Variants in PHIP observed in about 807,000 individuals in gnomAD.
The protein encoded by PHIP is PHIP subunit of CUL4-Ring ligase complex, also known as PH-interacting protein.
A neutral mutation model predicts 236.8 loss-of-function variants in PHIP; 54 were observed. The observed-to-expected ratio is 0.23, with a 90% CI of 0.18 to 0.29. The LOEUF (loss-of-function observed/expected upper bound fraction) is 0.29. Ranked by LOEUF, PHIP falls within the 10% of genes least tolerant of loss-of-function variation. The pLI is 1.00. For missense variants in PHIP, 1,370 were observed against 2,190.8 expected (o/e 0.63, Z 7.48); for synonymous variants, 756 against 718.9 (o/e 1.05, Z -0.83).
chr6:78,988,941 G>A (rs1769041520), intron 20 of PHIP, among the ~76,000 whole-genome samples: 1 of 152,142 alleles, frequency 6.6e-6, no homozygotes, highest in East Asian at 1.9e-4. Flanking sequence ...AAGATAAGAT[G>A]CCATGTGGCT....
At chr6:79,027,077 G>A (rs1325808382) in intron 7 of PHIP, among the ~76,000 whole-genome samples, 1 of 151,984 alleles carries the variant, frequency 6.6e-6, no homozygotes, top group Non-Finnish European at 1.5e-5. Flanking sequence ...AATTCTTAAA[G>A]AAACACCTTC....
rs773413317 is a variant in PHIP at position 79,025,927 on chromosome 6, G to A, written c.822+16C>T. 9 of 1,494,108 alleles carry A rather than the reference G, an allele frequency of 6.0e-6. No individual in the cohort carries two copies. Among genetic ancestry groups the A allele is most frequent in the Non-Finnish European group, 7.4e-6 (8 of 1,076,024 alleles). The allele number at this position is 1,494,108 out of a possible 1,614,324, so 92.6% of individuals were successfully genotyped here. A position where few individuals can be genotyped will look rare whatever the true frequency, so the allele number is the denominator to read the frequency against. The stretch of plus-strand genomic sequence containing the variant: ...CAACAACAACAACAACAATGTATAG[G>A]GATTAAGACAATTACCTGTAGTGAT... On this transcript the variant is annotated intron_variant, in intron 8 of 39. Coordinates refer to ENST00000275034, the MANE Select transcript of PHIP (RefSeq NM_017934.7).
intron 6 of PHIP, among the ~76,000 whole-genome samples, chr6:79,056,660 G>A (rs1465339997): frequency 1.3e-5 from 2 of 152,072 alleles, no homozygotes; most frequent in East Asian, 3.9e-4. Context: ...CAATGCACAG[G>A]AAAGCTGCCT....
At position 79,069,176 on chromosome 6, in the gene PHIP, T is replaced by C. The variant is rs1041189720; in HGVS notation, c.189+8272A>G. On this transcript the variant is annotated intron_variant, in intron 4 of 39. Transcript: ENST00000275034. ...TATATTGTATATACATTAATTATAT[T>C]TTATTATTTATAATATATAATATAC... Among the ~76,000 whole-genome samples, 12 of 148,080 alleles carry C rather than the reference T, an allele frequency of 8.1e-5. No homozygotes were observed. The Admixed American group carries it at 8.1e-4, about 10-fold the overall frequency.
intron 35 of PHIP, among the ~76,000 whole-genome samples, chr6:78,949,067 T>C (rs1312955018): frequency 1.3e-5 from 2 of 152,176 alleles, no homozygotes; most frequent in Non-Finnish European, 2.9e-5. Context: ...CATTCCTAAT[T>C]CTTAGGGGGA....
rs36155238 is a variant in PHIP, at chr6:78,940,548, GTTTTTTT to G, written c.*138_*144del. On this transcript the variant is annotated 3_prime_UTR_variant, in exon 40 of 40. Coordinates refer to ENST00000275034, the MANE Select transcript of PHIP (RefSeq NM_017934.7). ...AAGAAGTGAAGTGTCTCGTAAGTTT[GTTTTTTT>G]TTTTTTTTTTTTTTTTGCAAATCAA... is the stretch of plus-strand genomic sequence containing the variant. 16 of 82,716 alleles carry G rather than the reference GTTTTTTT, an allele frequency of 1.9e-4. No homozygotes were observed. The highest frequency in any genetic ancestry group is 3.1e-4 in the Non-Finnish European group (15 of 47,992). The allele number at this position is 82,716 out of a possible 1,614,324, so 5.1% of individuals were successfully genotyped here.
intron 24 of PHIP, among the ~76,000 whole-genome samples, chr6:78,971,778 G>A (rs1218254775): frequency 6.6e-6 from 1 of 152,158 alleles, no homozygotes; most frequent in Non-Finnish European, 1.5e-5. Context: ...GACGGCACCT[G>A]GAAAATCGGG....
chr6:79,015,010 G>T, intron 15 of PHIP, 72 bp downstream of exon 15: 2 of 1,231,114 alleles, frequency 1.6e-6, no homozygotes, highest in South Asian at 1.4e-5. Flanking sequence ...TTTCCTTTGT[G>T]ACATGCAGAG....
intron 28 of PHIP, 72 bp downstream of exon 28, chr6:78,965,873 A>C (rs756543726): frequency 2.0e-5 from 25 of 1,225,796 alleles, no homozygotes; most frequent in Admixed American, 1.1e-4. Flanking sequence ...AAGTCTCTTT[A>C]TCTCTTAATA....
intron 19 of PHIP, among the ~76,000 whole-genome samples, chr6:78,992,152 C>T (rs995918358): frequency 5.9e-5 from 9 of 151,794 alleles, no homozygotes; most frequent in Non-Finnish European, 8.8e-5. Flanking sequence ...TTAGTAGAGA[C>T]GGGGGTCCAC....
chr6:78,975,620 A>T lies in PHIP; in HGVS notation c.2889+2972T>A, dbSNP rs1218470809. On this transcript the variant is annotated intron_variant, in intron 24 of 39. Coordinates refer to ENST00000275034, the MANE Select transcript of PHIP (RefSeq NM_017934.7). ...CAGATGACATGATTGTGTATCTAGA[A>T]AACCCCACTGTCTCAGCCCAAAATC... is the stretch of plus-strand genomic sequence containing the variant. Among the ~76,000 whole-genome samples, 6 of 152,300 alleles carry T rather than the reference A, an allele frequency of 3.9e-5. No individual in the cohort carries two copies. In the South Asian group the frequency reaches 6.2e-4, roughly 16 times the overall value.
chr6:79,072,110 C>G (rs902368241), intron 4 of PHIP, among the ~76,000 whole-genome samples: 7 of 152,156 alleles, frequency 4.6e-5, no homozygotes, highest in Non-Finnish European at 7.4e-5. Context: ...GACATCTCTT[C>G]TCTGACAGTT....
intron 2 of PHIP, 36 bp downstream of exon 2, chr6:79,077,819 G>T: frequency 2.4e-6 from 3 of 1,236,394 alleles, no homozygotes; most frequent in Non-Finnish European, 3.1e-6. Context: ...CGCGAGCGGC[G>T]AGCGCCGGCC....
chr6:78,986,817 G>C (rs1219083185), intron 21 of PHIP, among the ~76,000 whole-genome samples: 1 of 152,038 alleles, frequency 6.6e-6, no homozygotes, highest in Non-Finnish European at 1.5e-5. Context: ...AATCACATTT[G>C]CATATTTTAT....
intron 29 of PHIP, 148 bp downstream of exon 29, chr6:78,965,555 T>A (rs1767073376): frequency 3.7e-6 from 2 of 536,390 alleles, no homozygotes; most frequent in Non-Finnish European, 3.4e-6. Context: ...CTCCCCTACT[T>A]CAAGGTGTAC....
In PHIP at chr6:79,045,990, C is replaced by T. The variant is rs150327028; in HGVS notation, c.440-2987G>A. On this transcript the variant is annotated intron_variant, in intron 6 of 39. Coordinates refer to ENST00000275034, the MANE Select transcript of PHIP (RefSeq NM_017934.7). ...TAGGAAGATTTCAAAAGCATCCTAA[C>T]TGGTTGCACTACAACACTGCTCCTC... Among the ~76,000 whole-genome samples, 96 of 152,260 alleles carry T rather than the reference C, an allele frequency of 6.3e-4. 1 individual carries two copies. The South Asian group carries it at 8.1e-3, about 13-fold the overall frequency.
intron 7 of PHIP, among the ~76,000 whole-genome samples, 164 bp from the exon 8 acceptor site, chr6:79,026,328 C>A (rs976451201): frequency 2.0e-5 from 3 of 152,052 alleles, no homozygotes; most frequent in Non-Finnish European, 4.4e-5. Context: ...CTTTATTAAA[C>A]CACTTAAAAA....
chr6:79,015,574 TTTCA>T (rs1340281889), intron 14 of PHIP, 52 bp downstream of exon 14: 1 of 1,276,094 alleles, frequency 7.8e-7, no homozygotes, highest in Non-Finnish European at 1.1e-6. Context: ...AATGAGAATG[TTTCA>T]TTCTATAGTC....
intron 7 of PHIP, among the ~76,000 whole-genome samples, chr6:79,031,325 G>A (rs1771662900): frequency 6.6e-6 from 1 of 152,126 alleles, no homozygotes; most frequent in African/African-American, 2.4e-5. Flanking sequence ...ATCAAACTTA[G>A]CATAAGCTGG....
Sources: gnomAD v4.1 joint callset for allele counts (sites outside exome capture counted in the v4.1 genomes callset) on GRCh38, gnomAD v4.1.1 for gene constraint, MANE v1.5 for transcripts, NCBI Gene and HGNC (gene_info 2026-07-23, HGNC 2026-07-21) for gene names.